The following HS3ST3A1 variants were observed in gnomAD, a reference collection of about 807,000 sequenced individuals.
The protein encoded by HS3ST3A1 is heparan sulfate-glucosamine 3-sulfotransferase 3A1.
HS3ST3A1 carries 19 observed loss-of-function variants against 25.7 expected under a neutral mutation model. The observed-to-expected ratio is 0.74, with a 90% CI of 0.52 to 1.08. HS3ST3A1 has a LOEUF of 1.08. Among genes scored for constraint, HS3ST3A1 ranks in the 50% least tolerant of loss-of-function variants. HS3ST3A1 has a pLI of 0.00. For missense variants in HS3ST3A1, 459 were observed against 594.3 expected (o/e 0.77, Z 2.37); for synonymous variants, 226 against 278.6 (o/e 0.81, Z 1.88).
chr17:13,596,937 T>A (rs9909684), intron 1 of HS3ST3A1, among the ~76,000 whole-genome samples: 82,583 of 151,774 alleles, frequency 0.54, 22,697 homozygotes, highest in Admixed American at 0.59. Context: ...GCCATGATCG[T>A]TCGAGGCCAG....
At chr17:13,522,866 AC>A (rs1906293380) in intron 1 of HS3ST3A1, among the ~76,000 whole-genome samples, 1 of 151,720 alleles carries the variant, frequency 6.6e-6, no homozygotes, top group African/African-American at 2.4e-5. Flanking sequence ...ACACACACAC[AC>A]ACACACACAC....
intron 1 of HS3ST3A1, among the ~76,000 whole-genome samples, chr17:13,583,720 A>T (rs1028440266): frequency 6.6e-6 from 1 of 152,138 alleles, no homozygotes; most frequent in Admixed American, 6.5e-5. Flanking sequence ...TTACATAGTC[A>T]CTCCACTTAT....
At chr17:13,516,986 A>C (rs1286847245) in intron 1 of HS3ST3A1, among the ~76,000 whole-genome samples, 1 of 147,104 alleles carries the variant, frequency 6.8e-6, no homozygotes, top group Non-Finnish European at 1.5e-5. Flanking sequence ...GTGCCCCGCC[A>C]AGGCAGAGGT....
At chr17:13,569,830 C>G (rs1465586044) in intron 1 of HS3ST3A1, among the ~76,000 whole-genome samples, 3 of 152,234 alleles carry the variant, frequency 2.0e-5, no homozygotes, top group Non-Finnish European at 2.9e-5. Flanking sequence ...TTGGAGCTGG[C>G]TTATCATCAG....
At chr17:13,523,868 A>G (rs187403244) in intron 1 of HS3ST3A1, among the ~76,000 whole-genome samples, 50 of 151,862 alleles carry the variant, frequency 3.3e-4, no homozygotes, top group Admixed American at 9.8e-4. Context: ...TTGTTTTATT[A>G]CTTTTTGTTC....
intron 1 of HS3ST3A1, among the ~76,000 whole-genome samples, chr17:13,591,923 G>A (rs1026571086): frequency 1.3e-5 from 2 of 152,160 alleles, no homozygotes; most frequent in Admixed American, 1.3e-4. Context: ...GTCTCCCAAA[G>A]TGCCGGGATT....
chr17:13,560,289 C>CAAAAAAAAAAA lies in HS3ST3A1; in HGVS notation c.599+40231_599+40241dup, dbSNP rs10632927. 8.6e-3 allele frequency among the ~76,000 whole-genome samples: 150 copies of CAAAAAAAAAAA among 17,374 alleles called. 51 individuals are homozygous for CAAAAAAAAAAA. The highest frequency in any genetic ancestry group is 0.018 in the East Asian group (7 of 400). 11.4% of individuals were successfully genotyped at this position (17,374 alleles called of 152,430 possible). On this transcript the variant is annotated intron_variant, in intron 1 of 1. Coordinates refer to ENST00000284110, the MANE Select transcript of HS3ST3A1 (RefSeq NM_006042.3). ...TGGGCAACAGAGGGACACTCGTCTC[C>CAAAAAAAAAAA]AAAAAAAAAAAAAAAAAAAAAAAAA... is the stretch of plus-strand genomic sequence containing the variant.
chr17:13,547,253 A>T (rs1907116689), intron 1 of HS3ST3A1, among the ~76,000 whole-genome samples: 1 of 152,144 alleles, frequency 6.6e-6, no homozygotes, highest in African/African-American at 2.4e-5. Context: ...TTCCTGACAC[A>T]GCTCCTAAAG....
chr17:13,527,945 A>T, intron 1 of HS3ST3A1, among the ~76,000 whole-genome samples: 1 of 152,196 alleles, frequency 6.6e-6, no homozygotes, highest in East Asian at 1.9e-4. Context: ...TCACGATATC[A>T]CTAATAATGT....
intron 1 of HS3ST3A1, among the ~76,000 whole-genome samples, chr17:13,519,491 G>C (rs1048598520): frequency 6.6e-6 from 1 of 152,098 alleles, no homozygotes; most frequent in Non-Finnish European, 1.5e-5. Context: ...ACTGTTAAAA[G>C]TACCCAAAGT....
At chr17:13,589,267 G>A (rs2142390872) in intron 1 of HS3ST3A1, among the ~76,000 whole-genome samples, 1 of 152,222 alleles carries the variant, frequency 6.6e-6, no homozygotes, top group East Asian at 1.9e-4. Flanking sequence ...TTCCTACTTG[G>A]TAACAATCCA....
chr17:13,513,880 A>G (rs1877533781), intron 1 of HS3ST3A1, among the ~76,000 whole-genome samples: 1 of 152,192 alleles, frequency 6.6e-6, no homozygotes, highest in Non-Finnish European at 1.5e-5. Context: ...GAAGGTATTT[A>G]TATTTTGTCT....
chr17:13,575,062 C>A, intron 1 of HS3ST3A1, among the ~76,000 whole-genome samples: 1 of 151,960 alleles, frequency 6.6e-6, no homozygotes, highest in Non-Finnish European at 1.5e-5. Flanking sequence ...TAATTCCTAT[C>A]CATTTTTTAA....
intron 1 of HS3ST3A1, among the ~76,000 whole-genome samples, chr17:13,534,843 T>C (rs1906721962): frequency 6.6e-6 from 1 of 151,990 alleles, no homozygotes; most frequent in African/African-American, 2.4e-5. Context: ...CTGACTAACA[T>C]GGAGAAACCA....
chr17:13,537,563 T>C (rs888790447), intron 1 of HS3ST3A1, among the ~76,000 whole-genome samples: 8 of 152,168 alleles, frequency 5.3e-5, no homozygotes, highest in African/African-American at 1.9e-4. Flanking sequence ...TCTTGAATGG[T>C]TTGAGAGAAA....
chr17:13,550,970 G>T (rs1448619237), intron 1 of HS3ST3A1, among the ~76,000 whole-genome samples: 1 of 151,432 alleles, frequency 6.6e-6, no homozygotes, highest in Non-Finnish European at 1.5e-5. Flanking sequence ...GGGAGGCTGA[G>T]GCAGGAGAAT....
In HS3ST3A1 at chr17:13,601,337, C is replaced by G. The variant is rs1405496583; in HGVS notation, c.-208G>C. 2 of 497,718 alleles carry G rather than the reference C, an allele frequency of 4.0e-6. No homozygotes were observed. Among genetic ancestry groups the G allele is most frequent in the Non-Finnish European group, 7.0e-6 (2 of 287,666 alleles). The allele number at this position is 497,718 out of a possible 1,614,324, so 30.8% of individuals were successfully genotyped here. A position where few individuals can be genotyped will look rare whatever the true frequency, so the allele number is the denominator to read the frequency against. The stretch of plus-strand genomic sequence containing the variant: ...GGGGCCCCGCGCAGGATCCCTGCCT[C>G]CAGTCGAGGGAGCGGGAAGGGGAAC... On this transcript the variant is annotated 5_prime_UTR_variant, in exon 1 of 2. Transcript: ENST00000284110.
At chr17:13,535,028 A>AAAATAAATAAATAAATAAATAAAT (rs71312976) in intron 1 of HS3ST3A1, among the ~76,000 whole-genome samples, 20 of 149,336 alleles carry the variant, frequency 1.3e-4, no homozygotes, top group African/African-American at 4.5e-4. Context: ...CTCCATCTCA[A>AAAATAAATAAATAAATAAATAAAT]AAATAAATAA....
At chr17:13,543,349 T>C (rs1355298238) in intron 1 of HS3ST3A1, among the ~76,000 whole-genome samples, 2 of 152,058 alleles carry the variant, frequency 1.3e-5, no homozygotes, top group African/African-American at 4.8e-5. Context: ...GACACCCAGA[T>C]GATGTGTGCT....
Sources: gnomAD v4.1 joint callset for allele counts (sites outside exome capture counted in the v4.1 genomes callset) on GRCh38, gnomAD v4.1.1 for gene constraint, MANE v1.5 for transcripts, NCBI Gene and HGNC (gene_info 2026-07-23, HGNC 2026-07-21) for gene names.